Variants in VPS50 observed in about 807,000 individuals in gnomAD.
VPS50 encodes the protein syndetin.
Under a neutral mutation model 139.7 loss-of-function variants are expected in VPS50, and 70 were observed. The observed-to-expected ratio is 0.50, with a 90% confidence interval of 0.41 to 0.61. The LOEUF (loss-of-function observed/expected upper bound fraction) is 0.61, where lower values mean the gene tolerates loss of function less well. Ranked by LOEUF, VPS50 falls within the 20% of genes least tolerant of loss-of-function variation. The pLI, the probability that VPS50 is intolerant of heterozygous loss-of-function variation, is 0.00. For missense variants in VPS50, 921 were observed against 1,133.7 expected (o/e 0.81, Z 2.69); for synonymous variants, 365 against 376.7 (o/e 0.97, Z 0.36).
chr7:93,252,934 C>T (rs1015842216), intron 3 of VPS50, among the ~76,000 whole-genome samples, 159 bp downstream of exon 3: 5 of 151,992 alleles, frequency 3.3e-5, no homozygotes, highest in African/African-American at 4.8e-5. Flanking sequence ...CATTGTTTGG[C>T]GATGAAATTA....
intron 16 of VPS50, among the ~76,000 whole-genome samples, chr7:93,299,144 T>C (rs1181073539): frequency 6.6e-6 from 1 of 152,214 alleles, no homozygotes; most frequent in Non-Finnish European, 1.5e-5. Flanking sequence ...TTCTATCCTG[T>C]CTGTAGTCAT....
intron 20 of VPS50, among the ~76,000 whole-genome samples, chr7:93,321,674 C>T (rs560490789): frequency 5.9e-5 from 9 of 152,288 alleles, no homozygotes; most frequent in African/African-American, 1.9e-4. Context: ...TCTGAATACA[C>T]ATTTAAAATC....
intron 2 of VPS50, among the ~76,000 whole-genome samples, chr7:93,251,212 C>T (rs748540050): frequency 2.5e-4 from 38 of 151,902 alleles, no homozygotes; most frequent in Non-Finnish European, 5.2e-4. Context: ...TCATTCTATA[C>T]AGATACATGC....
chr7:93,314,179 A>T (rs1797354441), intron 20 of VPS50, among the ~76,000 whole-genome samples: 1 of 152,214 alleles, frequency 6.6e-6, no homozygotes, highest in African/African-American at 2.4e-5. Flanking sequence ...AGGGAGAAGT[A>T]CGGTTGTGTA....
chr7:93,247,962 C>A (rs1795205009), intron 2 of VPS50, among the ~76,000 whole-genome samples: 1 of 151,814 alleles, frequency 6.6e-6, no homozygotes, highest in Non-Finnish European at 1.5e-5. Flanking sequence ...GCTGATAATA[C>A]TTTTTGCTTA....
At chr7:93,322,127 A>G (rs1797631469) in intron 20 of VPS50, among the ~76,000 whole-genome samples, 1 of 152,178 alleles carries the variant, frequency 6.6e-6, no homozygotes, top group South Asian at 2.1e-4. Context: ...CTGTGTTTTG[A>G]TGTATATTTG....
intron 27 of VPS50, among the ~76,000 whole-genome samples, chr7:93,357,717 C>G (rs949709888): frequency 1.3e-5 from 2 of 151,992 alleles, no homozygotes; most frequent in Non-Finnish European, 2.9e-5. Context: ...CTGATGAATC[C>G]CTGTTTATTC....
chr7:93,250,171 T>C (rs1206120543), intron 2 of VPS50, among the ~76,000 whole-genome samples: 2 of 152,178 alleles, frequency 1.3e-5, no homozygotes, highest in African/African-American at 4.8e-5. Context: ...TGAGTTTGCC[T>C]TCTCTTTTAA....
intron 21 of VPS50, among the ~76,000 whole-genome samples, chr7:93,327,398 T>A (rs573669784): frequency 1.3e-5 from 2 of 152,310 alleles, no homozygotes; most frequent in South Asian, 2.1e-4. Context: ...TCTGAAACTT[T>A]TGGGAACCAA....
At chr7:93,233,088 T>C (rs1794686253) in intron 1 of VPS50, among the ~76,000 whole-genome samples, 1 of 152,260 alleles carries the variant, frequency 6.6e-6, no homozygotes, top group African/African-American at 2.4e-5. Flanking sequence ...TTAAAAAATT[T>C]ATTTTTGTCA....
intron 16 of VPS50, among the ~76,000 whole-genome samples, chr7:93,297,740 T>G (rs1157082188): frequency 6.6e-6 from 1 of 152,106 alleles, no homozygotes; most frequent in Non-Finnish European, 1.5e-5. Flanking sequence ...TGCTAATATT[T>G]AAAAGAGTGA....
At chr7:93,333,227 T>C (rs1228852213) in intron 21 of VPS50, among the ~76,000 whole-genome samples, 1 of 151,738 alleles carries the variant, frequency 6.6e-6, no homozygotes, top group Non-Finnish European at 1.5e-5. Flanking sequence ...GCACAACTAT[T>C]TTCACGTAAG....
At chr7:93,250,990 C>T (rs867549710) in intron 2 of VPS50, among the ~76,000 whole-genome samples, 10 of 152,282 alleles carry the variant, frequency 6.6e-5, no homozygotes, top group Non-Finnish European at 1.0e-4. Context: ...TACCATTTCA[C>T]GCCAGTTAGA....
intron 9 of VPS50, among the ~76,000 whole-genome samples, chr7:93,267,270 T>C (rs567310373): frequency 6.6e-6 from 1 of 152,274 alleles, no homozygotes; most frequent in Admixed American, 6.5e-5. Flanking sequence ...CAGCCTTGGG[T>C]GAAATTTTGA....
At chr7:93,299,748 G>T (rs923464360) in intron 16 of VPS50, among the ~76,000 whole-genome samples, 1 of 152,004 alleles carries the variant, frequency 6.6e-6, no homozygotes, top group African/African-American at 2.4e-5. Flanking sequence ...GGAACACAGC[G>T]TCTATTATTG....
Position 93,232,387 on chromosome 7 carries a change from C to T in VPS50, c.-81C>T. On this transcript the variant is annotated 5_prime_UTR_variant, in exon 1 of 28. Coordinates refer to ENST00000305866, the MANE Select transcript of VPS50 (RefSeq NM_017667.4). ...CCACGTGACCACCCACTATGGCTTC[C>T]TAGTGTCAGGGCCAGCTGTGTAGTG... The T allele has an allele frequency of 8.2e-7, 1 of 1,215,470 alleles. No homozygotes were observed. 75.3% of individuals were successfully genotyped at this position (1,215,470 alleles called of 1,614,324 possible). A position where few individuals can be genotyped will look rare whatever the true frequency, so the allele number is the denominator to read the frequency against.
chr7:93,303,627 GA>G (rs1228891589), intron 17 of VPS50, 77 bp downstream of exon 17: 6 of 601,984 alleles, frequency 1.0e-5, no homozygotes, highest in Non-Finnish European at 8.7e-6. Context: ...AAAAAATCCA[GA>G]AATATATGAA....
At chr7:93,325,402 T>A (rs956532976) in intron 21 of VPS50, among the ~76,000 whole-genome samples, 7 of 151,996 alleles carry the variant, frequency 4.6e-5, no homozygotes, top group African/African-American at 7.3e-5. Context: ...AAGGACTTCA[T>A]GTCTAAAACA....
At chr7:93,262,247 A>G (rs1427643740) in intron 9 of VPS50, among the ~76,000 whole-genome samples, 2 of 152,364 alleles carry the variant, frequency 1.3e-5, no homozygotes, top group East Asian at 3.9e-4. Flanking sequence ...TTATATAATT[A>G]AAAATCTATT....
Sources: allele counts gnomAD v4.1 joint callset (sites outside exome capture counted in the v4.1 genomes callset), GRCh38; gene constraint gnomAD v4.1.1; transcripts MANE v1.5; gene names NCBI Gene and HGNC (gene_info 2026-07-23, HGNC 2026-07-21).